NBPF26: variants seen among roughly 807,000 people sequenced by gnomAD.
NBPF26 encodes NBPF member 26.
NBPF26 carries 79 observed loss-of-function variants against 119.6 expected under a neutral mutation model. The ratio of observed to expected loss-of-function variants is 0.66; its 90% confidence interval spans 0.55 to 0.80. The LOEUF (loss-of-function observed/expected upper bound fraction) is 0.80. Ranked by LOEUF, NBPF26 falls within the 30% of genes least tolerant of loss-of-function variation. The probability of loss-of-function intolerance (pLI) is 0.00; values close to 1 mark genes in which losing one functional copy is unlikely to be tolerated. For missense variants in NBPF26, 800 were observed against 1,198.2 expected (o/e 0.67, Z 4.91); for synonymous variants, 299 against 457.7 (o/e 0.65, Z 4.43).
exon 1 of NBPF26, chr1:120,724,107 C>T: frequency 7.5e-7 from 1 of 1,340,426 alleles, no homozygotes; most frequent in South Asian, 1.4e-5. Flanking sequence ...ATCGGGACCC[C>T]CTCCCCATGT....
intron 6 of NBPF26, 99 bp from the exon 7 acceptor site, chr1:120,808,446 G>C: frequency 2.8e-6 from 3 of 1,085,948 alleles, no homozygotes; most frequent in Non-Finnish European, 4.0e-6. Context: ...CTGTTTCAAG[G>C]TCTCCTTGAG....
chr1:120,833,188 A>G (rs1571048591), intron 23 of NBPF26, among the ~76,000 whole-genome samples: 1 of 118,180 alleles, frequency 8.5e-6, no homozygotes, highest in Non-Finnish European at 1.7e-5. Flanking sequence ...CAGGTTGACC[A>G]TACTTCAAAA....
At position 120,751,599 on chromosome 1, in the gene NBPF26, C is replaced by T. The variant is rs1367392589; in HGVS notation, c.74-12029C>T. On this transcript the variant is annotated intron_variant, in intron 1 of 29. Coordinates refer to ENST00000620612, the Ensembl canonical transcript of NBPF26. ...GTAGGCCAGGGCATCTGCTCGTTCGCTCGCTCGCTTGCTCTTTCTCTCTTC... is the reference window on the plus strand; with the variant it reads ...GTAGGCCAGGGCATCTGCTCGTTCGTTCGCTCGCTTGCTCTTTCTCTCTTC... 3.5e-5 allele frequency among the ~76,000 whole-genome samples: 2 copies of T among 56,990 alleles called. 1 individual carries two copies. Among genetic ancestry groups the T allele is most frequent in the Non-Finnish European group, 8.1e-5 (2 of 24,688 alleles). The allele number at this position is 56,990 out of a possible 152,430, so 37.4% of individuals were successfully genotyped here.
intron 3 of NBPF26, among the ~76,000 whole-genome samples, chr1:120,790,428 A>G (rs1651474282): frequency 8.6e-6 from 1 of 116,264 alleles, no homozygotes; most frequent in Admixed American, 8.2e-5. Context: ...TCAGCTTACT[A>G]GCTCATCTCC....
chr1:120,823,752 CTGTGTGTGTGTGTGTGTG>C lies in NBPF26; in HGVS notation c.2640-200_2640-183del, dbSNP rs1177031452. Among the ~76,000 whole-genome samples, 3 of 73,340 alleles carry C rather than the reference CTGTGTGTGTGTGTGTGTG, an allele frequency of 4.1e-5. 1 individual carries two copies. The highest frequency in any genetic ancestry group is 7.3e-5 in the Non-Finnish European group (3 of 41,292). The allele number at this position is 73,340 out of a possible 152,430, so 48.1% of individuals were successfully genotyped here. ...ACCTGACCAATTCACTGAGCTCGCT[CTGTGTGTGTGTGTGTGTG>C]TGTGTGTGTGTGTGTGTGTGTCTTT... On this transcript the variant is annotated intron_variant, in intron 17 of 29. Transcript: ENST00000620612.
chr1:120,812,934 A>AATAATG (rs1651906588), intron 10 of NBPF26, among the ~76,000 whole-genome samples: 1 of 115,776 alleles, frequency 8.6e-6, no homozygotes, highest in South Asian at 2.4e-4. Flanking sequence ...TAATAATAAT[A>AATAATG]ATAATAATAA....
intron 14 of NBPF26, among the ~76,000 whole-genome samples, chr1:120,817,136 TC>T (rs1418481231): frequency 8.6e-6 from 1 of 116,418 alleles, no homozygotes; most frequent in Non-Finnish European, 1.6e-5. Flanking sequence ...GATTAAGTCA[TC>T]TGTCCCTGAA....
Position 120,724,219 on chromosome 1 carries a change from G to T in NBPF26, c.42G>T (p.Ala14=). Residue 14 remains alanine (A), a synonymous_variant, in exon 1 of 30, where the codon GCG becomes GCT. Coordinates refer to ENST00000620612, the Ensembl canonical transcript of NBPF26. ...CCGCTCTGCTGTGGGCGCTGCTGGC[G>T]CTCTGGCTGTGCTGGGCGGCCCCCG... The T allele has an allele frequency of 1.4e-6, 2 of 1,406,850 alleles. 1 individual carries two copies. The highest frequency in any genetic ancestry group is 1.9e-6 in the Non-Finnish European group (2 of 1,071,156). The allele number at this position is 1,406,850 out of a possible 1,614,324, so 87.1% of individuals were successfully genotyped here. A position where few individuals can be genotyped will look rare whatever the true frequency, so the allele number is the denominator to read the frequency against.
intron 2 of NBPF26, among the ~76,000 whole-genome samples, chr1:120,769,288 A>C (rs1651233631): frequency 6.6e-6 from 1 of 151,834 alleles, no homozygotes; most frequent in Non-Finnish European, 1.5e-5. Flanking sequence ...AGGCGTTTTC[A>C]GAAGTCATGG....
intron 1 of NBPF26, among the ~76,000 whole-genome samples, chr1:120,760,155 A>T: frequency 5.8e-5 from 3 of 51,542 alleles, no homozygotes; most frequent in East Asian, 4.1e-4. Flanking sequence ...GTTGAATAGT[A>T]TTCCATTGTA....
chr1:120,805,689 G>A lies in NBPF26; in HGVS notation c.885G>A (p.Gln295=). The stretch of plus-strand genomic sequence containing the variant: ...GCCCCCAGCTGCCAGAGAACAAACA[G>A]CAGTTGAGAAACCTCAAAGAGAAAT... The change falls in exon 5 of 30, where the codon CAG becomes CAA. Residue 295 remains glutamine, a synonymous_variant. Transcript: ENST00000620612. The A allele has an allele frequency of 1.5e-5, 22 of 1,457,822 alleles. 4 individuals are homozygous for A. The highest frequency in any genetic ancestry group is 2.3e-5 in the East Asian group (1 of 44,390). The allele number at this position is 1,457,822 out of a possible 1,614,324, so 90.3% of individuals were successfully genotyped here. A position where few individuals can be genotyped will look rare whatever the true frequency, so the allele number is the denominator to read the frequency against.
intron 17 of NBPF26, among the ~76,000 whole-genome samples, 181 bp from the exon 18 acceptor site, chr1:120,823,792 CT>C (rs1652189971): frequency 1.6e-5 from 1 of 64,332 alleles, no homozygotes; most frequent in South Asian, 4.1e-4. Context: ...GTGTGTGTGT[CT>C]TTCATCTTTT....
intron 2 of NBPF26, among the ~76,000 whole-genome samples, chr1:120,765,648 A>G (rs1397689506): frequency 2.4e-5 from 2 of 81,998 alleles, no homozygotes; most frequent in Non-Finnish European, 4.6e-5. Context: ...CCAAAGGATT[A>G]TAAATCATTC....
intron 2 of NBPF26, among the ~76,000 whole-genome samples, chr1:120,784,125 G>GTTT (rs1651395960): frequency 1.7e-5 from 2 of 118,050 alleles, no homozygotes; most frequent in Non-Finnish European, 3.3e-5. Flanking sequence ...GAAAGTGTGG[G>GTTT]TTAAAAGAGA....
At chr1:120,789,573 C>A (rs1199162360) in intron 3 of NBPF26, among the ~76,000 whole-genome samples, 1 of 97,802 alleles carries the variant, frequency 1.0e-5, no homozygotes, top group African/African-American at 7.1e-5. Context: ...GAAAGACTGG[C>A]CCCCATGATA....
chr1:120,805,562 A>T lies in NBPF26; in HGVS notation c.758A>T (p.Asp253Val), dbSNP rs1553269683. ...TTGGGTTTCTTCTCCCCAGTCCCTG[A>T]CTCCACCTCTTCTGCCACAAACGTC... The change falls in exon 5 of 30, where the codon GAC becomes GTC. Residue 253 changes from aspartate to valine, a missense_variant. Coordinates refer to ENST00000620612, the Ensembl canonical transcript of NBPF26. 2.1e-6 allele frequency: 3 copies of T among 1,407,796 alleles called. 1 individual carries two copies. The highest frequency in any genetic ancestry group is 2.1e-5 in the African/African-American group (1 of 47,558). The allele number at this position is 1,407,796 out of a possible 1,614,324, so 87.2% of individuals were successfully genotyped here. A position where few individuals can be genotyped will look rare whatever the true frequency, so the allele number is the denominator to read the frequency against.
At chr1:120,751,721 CT>C (rs1248092058) in intron 1 of NBPF26, among the ~76,000 whole-genome samples, 2 of 16,158 alleles carry the variant, frequency 1.2e-4, no homozygotes, top group African/African-American at 2.2e-4. Flanking sequence ...TCTCTCTTTT[CT>C]TTTTTTCTTT....
At chr1:120,813,191 C>G (rs1651916639) in intron 10 of NBPF26, among the ~76,000 whole-genome samples, 3 of 121,762 alleles carry the variant, frequency 2.5e-5, no homozygotes, top group African/African-American at 4.4e-5. Context: ...TACAATAATA[C>G]CTACCTCTGT....
rs1312713399 is a variant in NBPF26 at position 120,778,605 on chromosome 1, C to CA, written c.156-6369_156-6368insA. On this transcript the variant is annotated intron_variant, in intron 2 of 29. Transcript: ENST00000620612. The stretch of plus-strand genomic sequence containing the variant: ...GTTTTTTTTTGAATGGCCAAATCCT[C>CA]GTTTTAAAAAAAAAAAAAAAAAAAA... Among the ~76,000 whole-genome samples, 29 of 16,258 alleles carry CA rather than the reference C, an allele frequency of 1.8e-3. 5 individuals carry two copies. In the African/African-American group the frequency reaches 0.024, roughly 13 times the overall value. The allele number at this position is 16,258 out of a possible 152,430, so 10.7% of individuals were successfully genotyped here.
Sources: gnomAD v4.1 joint callset for allele counts (sites outside exome capture counted in the v4.1 genomes callset) on GRCh38, gnomAD v4.1.1 for gene constraint, MANE v1.5 for transcripts, NCBI Gene and HGNC (gene_info 2026-07-23, HGNC 2026-07-21) for gene names.